The following ASTN2 variants were observed in gnomAD, a reference collection of about 807,000 sequenced individuals.
ASTN2 encodes the protein astrotactin 2.
In ASTN2, 54 loss-of-function variants were observed where a neutral mutation model predicts 139.8. The ratio of observed to expected loss-of-function variants is 0.39; its 90% CI spans 0.31 to 0.48. The LOEUF (loss-of-function observed/expected upper bound fraction) is 0.48. Among genes scored for constraint, ASTN2 ranks in the 20% least tolerant of loss-of-function variants. The pLI is 0.95. For missense variants in ASTN2, 1,565 were observed against 1,725.1 expected (o/e 0.91, Z 1.64); for synonymous variants, 756 against 719.5 (o/e 1.05, Z -0.81).
chr9:116,924,136 C>T (rs1157329925), intron 10 of ASTN2, among the ~76,000 whole-genome samples: 4 of 151,994 alleles, frequency 2.6e-5, no homozygotes, highest in Admixed American at 6.6e-5. Flanking sequence ...AGGCTAGGCA[C>T]AGTGGCTCAA....
At chr9:117,147,906 G>A (rs1830239087) in intron 3 of ASTN2, among the ~76,000 whole-genome samples, 1 of 152,092 alleles carries the variant, frequency 6.6e-6, no homozygotes, top group Non-Finnish European at 1.5e-5. Context: ...GTTAATCTTG[G>A]AGTTTGGATG....
chr9:117,135,614 AG>A (rs1250732422), intron 4 of ASTN2, among the ~76,000 whole-genome samples: 1 of 152,216 alleles, frequency 6.6e-6, no homozygotes, highest in Non-Finnish European at 1.5e-5. Flanking sequence ...TGAGAGCTGA[AG>A]AAGGTGACAG....
intron 1 of ASTN2, among the ~76,000 whole-genome samples, chr9:117,313,617 G>A (rs996950089): frequency 6.6e-6 from 1 of 152,140 alleles, no homozygotes; most frequent in African/African-American, 2.4e-5. Context: ...CACAAGTTGA[G>A]GATATACAAG....
At chr9:117,265,061 G>A (rs958083412) in intron 2 of ASTN2, among the ~76,000 whole-genome samples, 1 of 152,086 alleles carries the variant, frequency 6.6e-6, no homozygotes, top group African/African-American at 2.4e-5. Flanking sequence ...CCCCTTCTGA[G>A]CCCAAAATCC....
At chr9:116,602,580 T>C (rs1231471188) in intron 19 of ASTN2, among the ~76,000 whole-genome samples, 2 of 152,210 alleles carry the variant, frequency 1.3e-5, no homozygotes, top group Admixed American at 6.5e-5. Flanking sequence ...AGAAAAATTA[T>C]ACTACTCCAT....
intron 13 of ASTN2, among the ~76,000 whole-genome samples, chr9:116,782,051 A>ACTT (rs1356892392): frequency 2.6e-5 from 4 of 152,112 alleles, no homozygotes; most frequent in Non-Finnish European, 5.9e-5. Context: ...CGACAGTGAG[A>ACTT]CTTCTTTTGT....
rs557575422 is a variant in ASTN2, at chr9:116,430,222, C to CA, written c.3783-4135dup. On this transcript the variant is annotated intron_variant, in intron 22 of 22. Transcript: ENST00000313400. Reference sequence around the variant, plus strand: ...AATGCCCTTCTTCCAAAGGAACAGACAAAGCCTCCTTTTGAATGGATTAGG... The same window carrying CA: ...AATGCCCTTCTTCCAAAGGAACAGACAAAAGCCTCCTTTTGAATGGATTAGG... Among the ~76,000 whole-genome samples the CA allele has an allele frequency of 1.6e-3, 243 of 152,306 alleles. 3 individuals are homozygous for CA. The highest frequency in any genetic ancestry group is 5.6e-3 in the African/African-American group (234 of 41,578).
At chr9:117,203,362 C>T (rs1831795235) in intron 3 of ASTN2, among the ~76,000 whole-genome samples, 1 of 151,978 alleles carries the variant, frequency 6.6e-6, no homozygotes, top group African/African-American at 2.4e-5. Context: ...ATCCTCTGTC[C>T]AGTTCTAGGC....
intron 2 of ASTN2, among the ~76,000 whole-genome samples, chr9:117,267,527 A>C (rs1009349302): frequency 1.2e-4 from 19 of 152,330 alleles, no homozygotes; most frequent in African/African-American, 4.1e-4. Context: ...TATTAACACT[A>C]GGGGAGGCTA....
chr9:117,290,250 T>C (rs10759913), intron 2 of ASTN2, among the ~76,000 whole-genome samples: 57,663 of 152,092 alleles, frequency 0.38, 12,105 homozygotes, highest in East Asian at 0.57. Context: ...AAGAGGGGCT[T>C]TGAGGAATAT....
At chr9:117,257,120 A>G (rs1833708166) in intron 2 of ASTN2, among the ~76,000 whole-genome samples, 1 of 152,342 alleles carries the variant, frequency 6.6e-6, no homozygotes, top group African/African-American at 2.4e-5. Context: ...CAAACGTTTC[A>G]GAAACAAACT....
intron 3 of ASTN2, among the ~76,000 whole-genome samples, chr9:117,169,730 T>G (rs541047922): frequency 2.1e-5 from 3 of 145,010 alleles, no homozygotes; most frequent in Admixed American, 1.4e-4. Context: ...ACGTCAGACA[T>G]GGTGGGGTGG....
intron 10 of ASTN2, among the ~76,000 whole-genome samples, chr9:116,908,533 T>G (rs1321178504): frequency 1.3e-5 from 2 of 152,206 alleles, no homozygotes; most frequent in Admixed American, 6.5e-5. Flanking sequence ...TCAAGAAAGC[T>G]TTCTGTTTTT....
chr9:116,495,286 T>C (rs1467003715), intron 19 of ASTN2, among the ~76,000 whole-genome samples: 1 of 152,202 alleles, frequency 6.6e-6, no homozygotes, highest in Non-Finnish European at 1.5e-5. Flanking sequence ...CAACAGCACC[T>C]GAGTTTTCCT....
intron 13 of ASTN2, among the ~76,000 whole-genome samples, chr9:116,743,890 A>G (rs1829164543): frequency 6.6e-6 from 1 of 152,234 alleles, no homozygotes; most frequent in African/African-American, 2.4e-5. Context: ...GTTTTTGTAT[A>G]CTGAGTTGCA....
chr9:116,882,841 A>G (rs1833486370), intron 10 of ASTN2, among the ~76,000 whole-genome samples: 1 of 151,854 alleles, frequency 6.6e-6, no homozygotes. Flanking sequence ...AAAAAAAAAA[A>G]AGTATTCATT....
intron 19 of ASTN2, among the ~76,000 whole-genome samples, chr9:116,553,672 C>G (rs933312934): frequency 1.3e-5 from 2 of 152,168 alleles, no homozygotes; most frequent in Non-Finnish European, 2.9e-5. Flanking sequence ...TAAATCACTT[C>G]AGCTGGGCCT....
chr9:116,605,218 G>A lies in ASTN2; in HGVS notation c.3355+13106C>T, dbSNP rs1380359726. On this transcript the variant is annotated intron_variant, in intron 19 of 22. Coordinates refer to ENST00000313400, the MANE Select transcript of ASTN2 (RefSeq NM_001365068.1). Reference sequence around the variant, plus strand: ...CAAGAGTGATACTGATCGGGGGGGAGAGGCCCAGTAGGCTCCCAGATGCCA... The same window carrying A: ...CAAGAGTGATACTGATCGGGGGGGAAAGGCCCAGTAGGCTCCCAGATGCCA... 2.0e-5 allele frequency among the ~76,000 whole-genome samples: 3 copies of A among 152,104 alleles called. 1 individual carries two copies. Among genetic ancestry groups the A allele is most frequent in the Non-Finnish European group, 4.4e-5 (3 of 68,028 alleles).
At chr9:117,108,438 A>AACACACACACAC (rs3041147) in intron 4 of ASTN2, among the ~76,000 whole-genome samples, 7,411 of 145,266 alleles carry the variant, frequency 0.051, 325 homozygotes, top group East Asian at 0.15. Context: ...AACAAAACAA[A>AACACACACACAC]ACACACACAC....
Sources: gnomAD v4.1 joint callset for allele counts (sites outside exome capture counted in the v4.1 genomes callset) on GRCh38, gnomAD v4.1.1 for gene constraint, MANE v1.5 for transcripts, NCBI Gene and HGNC (gene_info 2026-07-23, HGNC 2026-07-21) for gene names.